SORCS2: variants seen among roughly 807,000 people sequenced by gnomAD.
SORCS2 encodes the protein VPS10 domain-containing receptor SorCS2.
Under a neutral mutation model 141.6 loss-of-function variants are expected in SORCS2, and 100 were observed. The observed-to-expected ratio is 0.71, with a 90% CI of 0.60 to 0.83. SORCS2 has a LOEUF of 0.83. SORCS2 is among the 40% of genes least tolerant of loss of function. The probability of loss-of-function intolerance (pLI) is 0.00; values close to 1 mark genes in which losing one functional copy is unlikely to be tolerated. For missense variants in SORCS2, 1,646 were observed against 1,560.2 expected (o/e 1.05, Z -0.93); for synonymous variants, 789 against 676.9 (o/e 1.17, Z -2.57).
chr4:7,318,902 C>G (rs1337160565), intron 1 of SORCS2, among the ~76,000 whole-genome samples: 2 of 152,328 alleles, frequency 1.3e-5, no homozygotes, highest in East Asian at 3.9e-4. Flanking sequence ...CTCCTGCCAT[C>G]TTAATCTCTG....
At chr4:7,447,456 G>C (rs981549448) in intron 2 of SORCS2, among the ~76,000 whole-genome samples, 8 of 152,188 alleles carry the variant, frequency 5.3e-5, no homozygotes, top group African/African-American at 1.9e-4. Flanking sequence ...TGAGGCTTAG[G>C]GAAGTTCAGA....
chr4:7,709,883 CTCCCAGAGCCT>C (rs1044850069), intron 14 of SORCS2, among the ~76,000 whole-genome samples: 3 of 152,182 alleles, frequency 2.0e-5, no homozygotes, highest in Non-Finnish European at 4.4e-5. Context: ...GGAGTGGAGG[CTCCCAGAGCCT>C]TCCCTGGCTA....
chr4:7,397,005 T>G (rs1382771772), intron 2 of SORCS2, among the ~76,000 whole-genome samples: 1 of 152,248 alleles, frequency 6.6e-6, no homozygotes, highest in East Asian at 1.9e-4. Context: ...GGCTGTGGTT[T>G]CAAAGCTTTT....
chr4:7,298,059 C>T (rs1234546325), intron 1 of SORCS2, among the ~76,000 whole-genome samples: 23 of 152,240 alleles, frequency 1.5e-4, no homozygotes, highest in Admixed American at 1.5e-3. Context: ...TCCGTCCTCC[C>T]AGAGTGGGCT....
chr4:7,336,200 G>T (rs1288357370), intron 1 of SORCS2, among the ~76,000 whole-genome samples: 3 of 152,196 alleles, frequency 2.0e-5, no homozygotes, highest in African/African-American at 7.2e-5. Context: ...CTGGTCGATT[G>T]CTCGTGGTGG....
chr4:7,699,366 C>T (rs944848867), intron 12 of SORCS2, among the ~76,000 whole-genome samples: 6 of 152,186 alleles, frequency 3.9e-5, no homozygotes, highest in African/African-American at 7.2e-5. Context: ...GCACTCCATT[C>T]GTCTCCTCCT....
intron 2 of SORCS2, among the ~76,000 whole-genome samples, chr4:7,410,638 A>G (rs1278024059): frequency 1.3e-5 from 2 of 152,074 alleles, no homozygotes; most frequent in Non-Finnish European, 2.9e-5. Flanking sequence ...CACCAGCTGC[A>G]TTTTTGCTCC....
At chr4:7,653,772 C>G (rs1200872762) in intron 4 of SORCS2, among the ~76,000 whole-genome samples, 1 of 152,222 alleles carries the variant, frequency 6.6e-6, no homozygotes, top group Non-Finnish European at 1.5e-5. Flanking sequence ...TTCACTGCTC[C>G]AGCCCTGGCA....
intron 11 of SORCS2, among the ~76,000 whole-genome samples, chr4:7,696,839 C>T (rs1724742977): frequency 6.6e-6 from 1 of 152,246 alleles, no homozygotes; most frequent in South Asian, 2.1e-4. Flanking sequence ...CTTTCAAGCC[C>T]CACAGGGGCT....
At chr4:7,339,094 G>T (rs571154563) in intron 1 of SORCS2, among the ~76,000 whole-genome samples, 2 of 152,326 alleles carry the variant, frequency 1.3e-5, no homozygotes, top group African/African-American at 2.4e-5. Context: ...CTGCCATTTC[G>T]CCGTGGCCTG....
Position 7,193,136 on chromosome 4 carries a change from C to T in SORCS2, c.480+10C>T. On this transcript the variant is annotated intron_variant, in intron 1 of 26. Transcript: ENST00000507866. The surrounding 1 kb of genome is among the most constrained non-coding windows in gnomAD (Gnocchi z 4.8). Reference sequence around the variant, plus strand: ...GGGCGAGAACAGCAGCGTAAGTGACCTCCACGCGCTCGCCGCGGCCCCTAC... The same window carrying T: ...GGGCGAGAACAGCAGCGTAAGTGACTTCCACGCGCTCGCCGCGGCCCCTAC... The T allele has an allele frequency of 1.3e-6, 2 of 1,511,884 alleles. No homozygotes were observed. Among genetic ancestry groups the T allele is most frequent in the Non-Finnish European group, 1.8e-6 (2 of 1,140,306 alleles). The allele number at this position is 1,511,884 out of a possible 1,614,324, so 93.7% of individuals were successfully genotyped here.
At chr4:7,523,728 C>T (rs1424584227) in intron 2 of SORCS2, among the ~76,000 whole-genome samples, 3 of 152,208 alleles carry the variant, frequency 2.0e-5, no homozygotes, top group South Asian at 2.1e-4. Flanking sequence ...ATTGGACTAT[C>T]GACCCCTAGC....
intron 2 of SORCS2, among the ~76,000 whole-genome samples, chr4:7,452,772 G>A (rs943411313): frequency 1.3e-5 from 2 of 152,242 alleles, no homozygotes; most frequent in Non-Finnish European, 2.9e-5. Context: ...GTCCAGCAGA[G>A]CGTAAGAGCT....
At chr4:7,620,444 C>A (rs2108826842) in intron 3 of SORCS2, among the ~76,000 whole-genome samples, 1 of 152,338 alleles carries the variant, frequency 6.6e-6, no homozygotes, top group African/African-American at 2.4e-5. Context: ...GGCCATTCAC[C>A]CCCACATCCA....
At chr4:7,391,099 G>A (rs768789092) in intron 1 of SORCS2, among the ~76,000 whole-genome samples, 6 of 152,158 alleles carry the variant, frequency 3.9e-5, no homozygotes, top group Non-Finnish European at 8.8e-5. Flanking sequence ...TCAGGAAACC[G>A]AGGCTCAGTG....
intron 2 of SORCS2, among the ~76,000 whole-genome samples, chr4:7,401,331 A>G (rs1724581200): frequency 1.3e-5 from 2 of 152,166 alleles, no homozygotes; most frequent in South Asian, 2.1e-4. Flanking sequence ...GGCTGGATAA[A>G]TAGATGGGTG....
chr4:7,741,026 C>T lies in SORCS2; in HGVS notation c.*762C>T, dbSNP rs926864806. On this transcript the variant is annotated 3_prime_UTR_variant, in exon 27 of 27. Transcript: ENST00000507866. ...CAGACGGGGTAGGGCGGGCTCAGGA[C>T]CCAGTGCCCATGGTTCCTCACTCCT... The T allele has an allele frequency of 7.5e-6, 3 of 398,852 alleles. No homozygotes were observed. The highest frequency in any genetic ancestry group is 7.1e-5 in the East Asian group (2 of 28,080). 24.7% of individuals were successfully genotyped at this position (398,852 alleles called of 1,614,324 possible).
rs1714805802 is a variant in SORCS2, at chr4:7,564,270, C to T, written c.648+32641C>T. On this transcript the variant is annotated intron_variant, in intron 3 of 26. Transcript: ENST00000507866. ...TCTCTCTACTTCTCCAGCCACGCTG[C>T]CCCTGTGGCCCCCTCTAGGACAAGG... is the stretch of plus-strand genomic sequence containing the variant. 2.0e-5 allele frequency among the ~76,000 whole-genome samples: 3 copies of T among 152,238 alleles called. No homozygotes were observed. In the South Asian group the frequency reaches 6.2e-4, roughly 32 times the overall value.
Position 7,192,559 on chromosome 4 carries a change from G to T in SORCS2, c.-88G>T, listed in dbSNP as rs568519282. On this transcript the variant is annotated 5_prime_UTR_variant, in exon 1 of 27. Transcript: ENST00000507866. This position sits in a 1 kb window ranked among gnomAD's most constrained non-coding sequence, Gnocchi z 4.0. ...GGCTCCTTTCTCTGCGCTCTCGCTCGCGCTCCCCAGCGCCCTCCTGCTCTC... is the reference window on the plus strand; with the variant it reads ...GGCTCCTTTCTCTGCGCTCTCGCTCTCGCTCCCCAGCGCCCTCCTGCTCTC... 4.1e-6 allele frequency: 4 copies of T among 974,442 alleles called. No homozygotes were observed. In the South Asian group the frequency reaches 1.8e-4, roughly 45 times the overall value. 60.4% of individuals were successfully genotyped at this position (974,442 alleles called of 1,614,324 possible).
Sources: gnomAD v4.1 joint callset for allele counts (sites outside exome capture counted in the v4.1 genomes callset) on GRCh38, gnomAD v4.1.1 for gene constraint, Gnocchi (gnomAD v3.1) non-coding constraint, MANE v1.5 for transcripts, NCBI Gene and HGNC (gene_info 2026-07-23, HGNC 2026-07-21) for gene names.